Variants in RBFOX1 observed in about 807,000 individuals in gnomAD.
RBFOX1 encodes RNA binding protein fox-1 homolog 1.
A neutral mutation model predicts 57.7 loss-of-function variants in RBFOX1; 8 were observed. The observed-to-expected ratio is 0.14, with a 90% CI of 0.08 to 0.25. The LOEUF (loss-of-function observed/expected upper bound fraction) is 0.25, where lower values mean the gene tolerates loss of function less well. Among genes scored for constraint, RBFOX1 ranks in the 10% least tolerant of loss-of-function variants. The pLI, the probability that RBFOX1 is intolerant of heterozygous loss-of-function variation, is 1.00. For missense variants in RBFOX1, 611 were observed against 548.5 expected (o/e 1.11, Z -1.14); for synonymous variants, 326 against 222.4 (o/e 1.47, Z -4.15).
At chr16:7,495,182 T>C (rs1599939558) in intron 4 of RBFOX1, among the ~76,000 whole-genome samples, 1 of 152,230 alleles carries the variant, frequency 6.6e-6, no homozygotes, top group South Asian at 2.1e-4. Context: ...TATTCCATGG[T>C]GTAGATATAC....
intron 2 of RBFOX1, among the ~76,000 whole-genome samples, chr16:5,576,516 A>G (rs1229250376): frequency 6.6e-6 from 1 of 152,166 alleles, no homozygotes. Context: ...CTTAACTGGA[A>G]AGTGATAATT....
intron 4 of RBFOX1, among the ~76,000 whole-genome samples, chr16:7,070,078 G>C (rs1374202965): frequency 2.0e-5 from 3 of 152,168 alleles, no homozygotes; most frequent in Non-Finnish European, 4.4e-5. Flanking sequence ...CATCACTGCT[G>C]TTGTAGGATG....
chr16:7,235,973 G>T (rs1482699833), intron 4 of RBFOX1, among the ~76,000 whole-genome samples: 1 of 152,074 alleles, frequency 6.6e-6, no homozygotes, highest in East Asian at 1.9e-4. Flanking sequence ...TGCATTTTCT[G>T]GCTTGCACCA....
chr16:6,063,771 G>A (rs2095720656), intron 1 of RBFOX1, among the ~76,000 whole-genome samples: 1 of 152,044 alleles, frequency 6.6e-6, no homozygotes, highest in African/African-American at 2.4e-5. Context: ...TTCCCTCTTG[G>A]GTGGACTCCA....
At chr16:7,176,764 C>G (rs1164930421) in intron 4 of RBFOX1, among the ~76,000 whole-genome samples, 1 of 152,000 alleles carries the variant, frequency 6.6e-6, no homozygotes, top group Non-Finnish European at 1.5e-5. Context: ...GTAAGACAGA[C>G]ACGACACATA....
intron 1 of RBFOX1, among the ~76,000 whole-genome samples, chr16:6,047,641 C>G (rs184249712): frequency 3.9e-4 from 60 of 152,244 alleles, no homozygotes; most frequent in Non-Finnish European, 6.6e-4. Context: ...ATTTCATCCC[C>G]AAATGGAATG....
intron 4 of RBFOX1, among the ~76,000 whole-genome samples, chr16:7,458,633 C>T (rs1474643345): frequency 1.3e-5 from 2 of 152,080 alleles, no homozygotes; most frequent in East Asian, 3.9e-4. Context: ...AATATATTCC[C>T]CTTAAGGTCT....
chr16:7,527,524 G>GA (rs1025649419), intron 5 of RBFOX1, among the ~76,000 whole-genome samples: 23 of 151,880 alleles, frequency 1.5e-4, no homozygotes, highest in East Asian at 3.9e-4. Context: ...TATGACAGGT[G>GA]AAAAAAAATG....
intron 4 of RBFOX1, among the ~76,000 whole-genome samples, chr16:7,455,116 G>A (rs1320870126): frequency 6.6e-6 from 1 of 152,316 alleles, no homozygotes; most frequent in East Asian, 1.9e-4. Context: ...CTGCCATCTT[G>A]AAGCCTCAGA....
At chr16:7,545,514 G>T (rs1482979768) in intron 5 of RBFOX1, among the ~76,000 whole-genome samples, 1 of 152,162 alleles carries the variant, frequency 6.6e-6, no homozygotes, top group Non-Finnish European at 1.5e-5. Context: ...CAAGCCGCTA[G>T]CTGTGTTAAT....
chr16:5,976,148 ATAAAT>A (rs1214046706), intron 4 of RBFOX1, among the ~76,000 whole-genome samples: 2 of 152,114 alleles, frequency 1.3e-5, no homozygotes, highest in African/African-American at 4.8e-5. Flanking sequence ...CAATCTCAAA[ATAAAT>A]TAATAAATAA....
chr16:6,438,594 C>T (rs903423428), intron 2 of RBFOX1, among the ~76,000 whole-genome samples: 1 of 152,120 alleles, frequency 6.6e-6, no homozygotes, highest in Non-Finnish European at 1.5e-5. Flanking sequence ...TCAAATAAAT[C>T]GAATTACTTA....
At chr16:7,042,307 C>A (rs1186288842) in intron 3 of RBFOX1, among the ~76,000 whole-genome samples, 3 of 152,202 alleles carry the variant, frequency 2.0e-5, no homozygotes, top group East Asian at 1.9e-4. Flanking sequence ...TGTAGGTATC[C>A]ATGGTTTTGT....
intron 3 of RBFOX1, among the ~76,000 whole-genome samples, chr16:5,763,573 C>G (rs1386748564): frequency 6.6e-6 from 1 of 152,260 alleles, no homozygotes; most frequent in African/African-American, 2.4e-5. Context: ...AACATAATTG[C>G]TTTTCATTTT....
At chr16:5,370,827 A>T (rs1338135955) in intron 1 of RBFOX1, among the ~76,000 whole-genome samples, 1 of 151,692 alleles carries the variant, frequency 6.6e-6, no homozygotes, top group Non-Finnish European at 1.5e-5. Flanking sequence ...CAGCAGTTCC[A>T]CCCACCATCC....
rs1023070548 is a variant in RBFOX1, at chr16:7,306,522, C to T, written c.28-211625C>T. 3.9e-5 allele frequency among the ~76,000 whole-genome samples: 6 copies of T among 152,128 alleles called. No homozygotes were observed. The East Asian group carries it at 9.7e-4, about 25-fold the overall frequency. On this transcript the variant is annotated intron_variant, in intron 4 of 15. Coordinates refer to ENST00000550418, the MANE Select transcript of RBFOX1 (RefSeq NM_018723.4). Reference sequence around the variant, plus strand: ...TCCCCCTCCCCTGAAAGGACTTGCACTGCTATCTGTGAAAGTGTTTATAAT... The same window carrying T: ...TCCCCCTCCCCTGAAAGGACTTGCATTGCTATCTGTGAAAGTGTTTATAAT...
chr16:5,758,000 C>T (rs1341420471), intron 3 of RBFOX1, among the ~76,000 whole-genome samples: 1 of 152,172 alleles, frequency 6.6e-6, no homozygotes, highest in East Asian at 1.9e-4. Flanking sequence ...GCCTGTGGCA[C>T]TGAGCTTCCC....
intron 3 of RBFOX1, among the ~76,000 whole-genome samples, chr16:5,861,863 G>C (rs1486014978): frequency 6.6e-6 from 1 of 152,184 alleles, no homozygotes; most frequent in Admixed American, 6.5e-5. Flanking sequence ...AGGGGAAAGA[G>C]GTCAGGAAAG....
At chr16:5,359,936 GT>G (rs34801270) in intron 1 of RBFOX1, among the ~76,000 whole-genome samples, 87,848 of 152,066 alleles carry the variant, frequency 0.58, 26,483 homozygotes, top group African/African-American at 0.74. Flanking sequence ...TCTTGATTAT[GT>G]TTTTTTCTCT....
Sources: gnomAD v4.1 joint callset for allele counts (sites outside exome capture counted in the v4.1 genomes callset) on GRCh38, gnomAD v4.1.1 for gene constraint, MANE v1.5 for transcripts, NCBI Gene and HGNC (gene_info 2026-07-23, HGNC 2026-07-21) for gene names.